Variants in GRB14 observed in about 807,000 individuals in gnomAD.
GRB14 encodes growth factor receptor bound protein 14.
GRB14 carries 38 observed loss-of-function variants against 69.1 expected under a neutral mutation model. The ratio of observed to expected loss-of-function variants is 0.55; its 90% CI spans 0.42 to 0.72. GRB14 has a LOEUF of 0.72. Among genes scored for constraint, GRB14 ranks in the 30% least tolerant of loss-of-function variants. The probability of loss-of-function intolerance (pLI) is 0.00; values close to 1 mark genes in which losing one functional copy is unlikely to be tolerated. For missense variants in GRB14, 666 were observed against 666.1 expected, an observed-to-expected ratio of 1.00 and a Z score of 0.00; for synonymous variants, 247 against 241.3, an observed-to-expected ratio of 1.02 and a Z score of -0.22.
At chr2:164,505,323 A>G (rs544298877) in intron 8 of GRB14, among the ~76,000 whole-genome samples, 1 of 152,126 alleles carries the variant, frequency 6.6e-6, no homozygotes, top group East Asian at 1.9e-4. Context: ...CTTTTAGTGT[A>G]TTTCACCCAT....
At chr2:164,574,196 C>T (rs903377136) in intron 2 of GRB14, 10 of 586,184 alleles carry the variant, frequency 1.7e-5, no homozygotes, top group Non-Finnish European at 3.0e-5. Flanking sequence ...CATTTTTTCC[C>T]CTCCACTCTA....
At chr2:164,510,993 T>C (rs916995024) in intron 6 of GRB14, among the ~76,000 whole-genome samples, 8 of 152,210 alleles carry the variant, frequency 5.3e-5, no homozygotes, top group African/African-American at 1.9e-4. Flanking sequence ...AACTCAGTGC[T>C]GCCCTGTCAC....
chr2:164,506,500 T>A (rs1687192715), intron 8 of GRB14, among the ~76,000 whole-genome samples: 1 of 152,168 alleles, frequency 6.6e-6, no homozygotes, highest in Non-Finnish European at 1.5e-5. Flanking sequence ...TCTCATGCAT[T>A]ACTGGTAGGA....
intron 2 of GRB14, among the ~76,000 whole-genome samples, chr2:164,605,605 A>G (rs745858828): frequency 2.6e-5 from 4 of 152,206 alleles, no homozygotes; most frequent in Non-Finnish European, 5.9e-5. Context: ...AGAAGTCAAG[A>G]AAGTATTTCA....
chr2:164,496,449 T>G (rs938001678), intron 12 of GRB14, among the ~76,000 whole-genome samples: 1 of 152,100 alleles, frequency 6.6e-6, no homozygotes, highest in African/African-American at 2.4e-5. Context: ...AAAGACAACA[T>G]GAGAAACAGT....
chr2:164,608,697 T>C (rs993358274), intron 2 of GRB14, among the ~76,000 whole-genome samples: 8 of 152,270 alleles, frequency 5.3e-5, no homozygotes, highest in Non-Finnish European at 1.0e-4. Flanking sequence ...TACTGTACAT[T>C]TTCACCATTG....
At chr2:164,557,258 T>C (rs1263329189) in intron 2 of GRB14, among the ~76,000 whole-genome samples, 1 of 152,148 alleles carries the variant, frequency 6.6e-6, no homozygotes, top group African/African-American at 2.4e-5. Context: ...GGAGTAAGCA[T>C]GGGTGCCAGG....
intron 1 of GRB14, among the ~76,000 whole-genome samples, chr2:164,620,678 C>A (rs1356311540): frequency 1.3e-5 from 2 of 152,150 alleles, no homozygotes; most frequent in African/African-American, 4.8e-5. Context: ...TCTTTCCTGC[C>A]GAACAGCAAG....
At chr2:164,600,194 T>C (rs1039866381) in intron 2 of GRB14, among the ~76,000 whole-genome samples, 1 of 152,238 alleles carries the variant, frequency 6.6e-6, no homozygotes, top group Admixed American at 6.5e-5. Flanking sequence ...CTGTGTGATC[T>C]ACTTCAGCAA....
At chr2:164,527,174 CAA>C (rs1687796817) in intron 3 of GRB14, 39 bp from the exon 4 acceptor site, 2 of 330,894 alleles carry the variant, frequency 6.0e-6, no homozygotes, top group African/African-American at 4.1e-5. Flanking sequence ...GACAGATAGA[CAA>C]ATATATATAT....
At chr2:164,494,086 G>C (rs1256637913) in intron 13 of GRB14, among the ~76,000 whole-genome samples, 1 of 152,140 alleles carries the variant, frequency 6.6e-6, no homozygotes, top group Non-Finnish European at 1.5e-5. Context: ...AGGAGAAAAG[G>C]CTTTAAAGTA....
intron 2 of GRB14, among the ~76,000 whole-genome samples, chr2:164,616,534 T>C (rs1038533211): frequency 2.0e-5 from 3 of 152,190 alleles, no homozygotes; most frequent in Non-Finnish European, 2.9e-5. Flanking sequence ...TGGGACATTT[T>C]ATTTGCAAAA....
intron 2 of GRB14, among the ~76,000 whole-genome samples, chr2:164,548,076 C>A (rs183660418): frequency 4.9e-4 from 74 of 152,214 alleles, no homozygotes; most frequent in African/African-American, 1.7e-3. Flanking sequence ...AACCATAGTT[C>A]TCATGTTGTG....
At chr2:164,522,156 T>A in intron 5 of GRB14, 39 bp from the exon 6 acceptor site, 2 of 1,166,566 alleles carry the variant, frequency 1.7e-6, no homozygotes, top group Non-Finnish European at 2.5e-6. Context: ...TATGATTAAA[T>A]CAATGATATG....
chr2:164,564,710 C>T (rs529139078), intron 2 of GRB14, among the ~76,000 whole-genome samples: 61 of 152,192 alleles, frequency 4.0e-4, no homozygotes, highest in Non-Finnish European at 7.6e-4. Flanking sequence ...AAAATGTTTG[C>T]AAACATAACT....
chr2:164,527,062 T>C lies in GRB14; in HGVS notation c.555A>G (p.Leu185=). The change falls in exon 4 of 14, where the codon CTA becomes CTG. Residue 185 remains leucine, a synonymous_variant. Transcript: ENST00000263915. ...ATTTGGCATAATTTTTTCTAAAGTA[T>C]AGTTTGTTTTCTTCTTCTATCCCCC... ...SNWGIEEENK[L]YFRKNYAKYE... 3.1e-6 allele frequency: 5 copies of C among 1,594,376 alleles called. No individual in the cohort carries two copies. The highest frequency in any genetic ancestry group is 1.3e-5 in the African/African-American group (1 of 74,466).
intron 2 of GRB14, among the ~76,000 whole-genome samples, chr2:164,593,581 CA>C (rs1057285376): frequency 6.6e-6 from 1 of 151,968 alleles, no homozygotes; most frequent in African/African-American, 2.4e-5. Flanking sequence ...TACACCACCA[CA>C]AAAAGAGGAA....
At chr2:164,543,880 C>G (rs1688299517) in intron 3 of GRB14, among the ~76,000 whole-genome samples, 2 of 152,168 alleles carry the variant, frequency 1.3e-5, no homozygotes, top group Non-Finnish European at 2.9e-5. Context: ...ATATTTTGTG[C>G]TGAGGAAGAT....
At chr2:164,509,915 A>G (rs1342288175) in intron 6 of GRB14, among the ~76,000 whole-genome samples, 9 of 152,086 alleles carry the variant, frequency 5.9e-5, no homozygotes, top group African/African-American at 2.2e-4. Context: ...TCCACCTCTG[A>G]TAACTGGCAG....
Sources: gnomAD v4.1 joint callset for allele counts (sites outside exome capture counted in the v4.1 genomes callset) on GRCh38, gnomAD v4.1.1 for gene constraint, MANE v1.5 for transcripts, NCBI Gene and HGNC (gene_info 2026-07-23, HGNC 2026-07-21) for gene names.